The following INSR variants were observed in gnomAD, a reference collection of about 807,000 sequenced individuals.
INSR encodes IR.
A neutral mutation model predicts 142.6 loss-of-function variants in INSR; 67 were observed. That is an observed-to-expected ratio of 0.47 (90% confidence interval 0.39 to 0.58). The LOEUF is 0.58. INSR is among the 20% of genes least tolerant of loss of function. The pLI is 0.00. For synonymous variants in INSR, 756 were observed against 743.1 expected (o/e 1.02, Z -0.28); for missense variants, 1,248 against 1,833.2 (o/e 0.68, Z 5.83).
intron 13 of INSR, among the ~76,000 whole-genome samples, chr19:7,133,718 C>A (rs1972839669): frequency 6.6e-6 from 1 of 152,186 alleles, no homozygotes; most frequent in African/African-American, 2.4e-5. Context: ...CAAAAATTAG[C>A]TGGGCATGGC....
Position 7,216,169 on chromosome 19 carries a change from A to C in INSR, c.653-31532T>G, listed in dbSNP as rs559808604. On this transcript the variant is annotated intron_variant, in intron 2 of 21. Coordinates refer to ENST00000302850, the MANE Select transcript of INSR (RefSeq NM_000208.4). This position sits in a 1 kb window ranked among gnomAD's most constrained non-coding sequence, Gnocchi z 4.2. Reference sequence around the variant, plus strand: ...GAAACCCCGTCTCTACTAAAAGTACAAAAAATTAGCCAGGTGTGGTGGCGT... The same window carrying C: ...GAAACCCCGTCTCTACTAAAAGTACCAAAAATTAGCCAGGTGTGGTGGCGT... Among the ~76,000 whole-genome samples, 29 of 152,084 alleles carry C rather than the reference A, an allele frequency of 1.9e-4. No individual in the cohort carries two copies. Among genetic ancestry groups the C allele is most frequent in the African/African-American group, 6.7e-4 (28 of 41,548 alleles).
At chr19:7,266,229 G>A (rs965921878) in intron 2 of INSR, among the ~76,000 whole-genome samples, 10 of 152,086 alleles carry the variant, frequency 6.6e-5, no homozygotes, top group African/African-American at 2.4e-4. Flanking sequence ...AGTGGCCGTT[G>A]GCACAACATT....
intron 2 of INSR, among the ~76,000 whole-genome samples, chr19:7,222,289 A>G (rs1003781317): frequency 2.6e-5 from 4 of 152,082 alleles, no homozygotes; most frequent in Non-Finnish European, 4.4e-5. Flanking sequence ...GATGACCTCA[A>G]GCTGTCTTGG....
intron 2 of INSR, among the ~76,000 whole-genome samples, chr19:7,221,175 A>C (rs575773098): frequency 1.5e-4 from 22 of 151,456 alleles, no homozygotes; most frequent in Admixed American, 1.3e-3. Context: ...GGAGTTTGAG[A>C]CTAACCTGGC....
At chr19:7,274,440 C>T (rs996509505) in intron 1 of INSR, among the ~76,000 whole-genome samples, 39 of 151,302 alleles carry the variant, frequency 2.6e-4, no homozygotes, top group African/African-American at 8.3e-4. Flanking sequence ...ATGACGCCTA[C>T]GAGATGTGGT....
intron 2 of INSR, among the ~76,000 whole-genome samples, chr19:7,224,689 C>G (rs778847746): frequency 2.0e-5 from 3 of 152,140 alleles, no homozygotes; most frequent in African/African-American, 7.2e-5. Context: ...ATGTGCGTCC[C>G]GAGGAAATGC....
intron 2 of INSR, among the ~76,000 whole-genome samples, chr19:7,251,164 T>A (rs1243691560): frequency 6.6e-6 from 1 of 150,978 alleles, no homozygotes; most frequent in African/African-American, 2.5e-5. Flanking sequence ...CCAAAAAATA[T>A]CTCCAGACAT....
At chr19:7,290,369 G>A (rs1433335528) in intron 1 of INSR, among the ~76,000 whole-genome samples, 4 of 152,044 alleles carry the variant, frequency 2.6e-5, no homozygotes, top group Admixed American at 2.6e-4. Context: ...TTGCCCAACT[G>A]CACTCCAGCC....
intron 2 of INSR, among the ~76,000 whole-genome samples, chr19:7,226,179 G>A (rs4804420): frequency 0.78 from 119,298 of 151,980 alleles, 46,942 homozygotes; most frequent in South Asian, 0.86. Flanking sequence ...AGGCCGAGGT[G>A]GGAGGATCAC....
At chr19:7,179,353 G>A (rs983847634) in intron 3 of INSR, among the ~76,000 whole-genome samples, 3 of 152,340 alleles carry the variant, frequency 2.0e-5, no homozygotes, top group African/African-American at 7.2e-5. Context: ...CTGAAGCAAG[G>A]GAAATCTCAT....
chr19:7,133,040 T>A (rs980865477), intron 13 of INSR, among the ~76,000 whole-genome samples: 1 of 152,070 alleles, frequency 6.6e-6, no homozygotes, highest in African/African-American at 2.4e-5. Context: ...GAAGGGAGGA[T>A]TGCTGGAGCC....
Position 7,218,248 on chromosome 19 carries a change from GGGGAGGCCA to G in INSR, c.653-33620_653-33612del, listed in dbSNP as rs1975497902. ...TGGGAGTGCTACTGGTATCTAGTGG[GGGGAGGCCA>G]GGGATGCTAGTAAACACCCTAAAAT... On this transcript the variant is annotated intron_variant, in intron 2 of 21. Transcript: ENST00000302850. Among the ~76,000 whole-genome samples the G allele has an allele frequency of 2.6e-5, 4 of 152,116 alleles. No homozygotes were observed. The South Asian group carries it at 8.3e-4, about 32-fold the overall frequency.
intron 2 of INSR, among the ~76,000 whole-genome samples, chr19:7,214,056 C>T (rs567280587): frequency 2.0e-5 from 3 of 152,056 alleles, no homozygotes; most frequent in African/African-American, 7.2e-5. Flanking sequence ...TGGCTGTTAG[C>T]AACCTGGGCG....
At chr19:7,212,679 G>A (rs570545445) in intron 2 of INSR, among the ~76,000 whole-genome samples, 5 of 151,960 alleles carry the variant, frequency 3.3e-5, no homozygotes, top group Non-Finnish European at 5.9e-5. Context: ...TCTACCTCCC[G>A]GGTTCAAGCG....
chr19:7,206,523 A>G (rs1214054270), intron 2 of INSR, among the ~76,000 whole-genome samples: 3 of 152,208 alleles, frequency 2.0e-5, no homozygotes, highest in African/African-American at 7.2e-5. Flanking sequence ...CTGTCAGATC[A>G]GCAGCAGCAT....
At chr19:7,237,764 G>A (rs1366751408) in intron 2 of INSR, among the ~76,000 whole-genome samples, 3 of 151,956 alleles carry the variant, frequency 2.0e-5, no homozygotes, top group East Asian at 1.9e-4. Flanking sequence ...TACAGTGAGC[G>A]AAGATGGCGC....
At chr19:7,155,703 A>G (rs1477126405) in intron 9 of INSR, among the ~76,000 whole-genome samples, 1 of 151,916 alleles carries the variant, frequency 6.6e-6, no homozygotes, top group African/African-American at 2.4e-5. Flanking sequence ...ACTTGAGCCC[A>G]GGAGTTCAAG....
rs143198601 is a variant in INSR at position 7,244,750 on chromosome 19, C to T, written c.652+22595G>A. ...TCTGTTTAGAAATAACTCCAAGAAC[C>T]GTTTTATATTTTCTCATATTGAAAA... On this transcript the variant is annotated intron_variant, in intron 2 of 21. Transcript: ENST00000302850. Among the ~76,000 whole-genome samples the T allele has an allele frequency of 1.8e-3, 276 of 152,050 alleles. 11 individuals are homozygous for T. The East Asian group carries it at 0.049, about 27-fold the overall frequency.
chr19:7,117,134 T>C lies in INSR; in HGVS notation c.4071A>G (p.Glu1357=), dbSNP rs112325748. 6.2e-7 allele frequency: 1 copy of C among 1,614,088 alleles called. No homozygotes were observed. Among genetic ancestry groups the C allele is most frequent in the Non-Finnish European group, 8.5e-7 (1 of 1,180,002 alleles). The change falls in exon 22 of 22, where the codon GAA becomes GAG. Residue 1357 remains glutamate (E), a synonymous_variant. Coordinates refer to ENST00000302850, the MANE Select transcript of INSR (RefSeq NM_000208.4). ...CGTTCATGTGTGTGTAAGGGATGTG[T>C]TCCTCGTAGCTCCGCTTGAAACCCA... ...SSLGFKRSYE[E]HIPYTHMNGG... is the part of the protein sequence containing the mutation.
Sources: gnomAD v4.1 joint callset for allele counts (sites outside exome capture counted in the v4.1 genomes callset) on GRCh38, gnomAD v4.1.1 for gene constraint, Gnocchi (gnomAD v3.1) non-coding constraint, MANE v1.5 for transcripts, NCBI Gene and HGNC (gene_info 2026-07-23, HGNC 2026-07-21) for gene names.